Variants in ANKS1A observed in about 807,000 individuals in gnomAD.
ANKS1A encodes the protein ankyrin repeat and sterile alpha motif domain containing 1A.
A neutral mutation model predicts 120.3 loss-of-function variants in ANKS1A; 55 were observed. The ratio of observed to expected loss-of-function variants is 0.46; its 90% CI spans 0.37 to 0.57. ANKS1A has a LOEUF of 0.57. Among genes scored for constraint, ANKS1A ranks in the 20% least tolerant of loss-of-function variants. The pLI is 0.00. For missense variants in ANKS1A, 1,123 were observed against 1,480.3 expected, an observed-to-expected ratio of 0.76 and a Z score of 3.96; for synonymous variants, 590 against 604.7, an observed-to-expected ratio of 0.98 and a Z score of 0.36.
At chr6:35,038,296 G>A (rs1395064708) in intron 11 of ANKS1A, 1 of 456,496 alleles carries the variant, frequency 2.2e-6, no homozygotes, top group Non-Finnish European at 4.4e-6. Context: ...ATGCCACAGT[G>A]GTGAAGATGG....
intron 1 of ANKS1A, among the ~76,000 whole-genome samples, chr6:34,908,272 A>C (rs1159096429): frequency 6.6e-6 from 1 of 152,198 alleles, no homozygotes; most frequent in Non-Finnish European, 1.5e-5. Flanking sequence ...AGATTCAGAT[A>C]GCTGATAGAA....
chr6:34,991,824 C>A (rs1772593385), intron 9 of ANKS1A, among the ~76,000 whole-genome samples: 1 of 134,636 alleles, frequency 7.4e-6, no homozygotes, highest in Non-Finnish European at 1.6e-5. Context: ...ATATATATGG[C>A]TTTGATTTAT....
chr6:35,025,076 G>A (rs1314029904), intron 11 of ANKS1A, among the ~76,000 whole-genome samples: 2 of 152,096 alleles, frequency 1.3e-5, no homozygotes, highest in Admixed American at 1.3e-4. Flanking sequence ...AGTCACAACT[G>A]TTATCCTAGA....
chr6:35,012,747 T>C (rs751775238), intron 10 of ANKS1A, among the ~76,000 whole-genome samples: 15 of 152,164 alleles, frequency 9.9e-5, no homozygotes, highest in Admixed American at 2.0e-4. Context: ...GGAAAATGAA[T>C]GAGGATCACA....
intron 3 of ANKS1A, among the ~76,000 whole-genome samples, chr6:34,974,718 G>A (rs750569127): frequency 2.2e-4 from 34 of 151,966 alleles, no homozygotes; most frequent in Non-Finnish European, 4.1e-4. Flanking sequence ...TGTAAAATAC[G>A]GCACTATAAT....
rs1304387678 is a variant in ANKS1A, at chr6:34,991,749, TACACAC to T, written c.1302+2435_1302+2440del. Among the ~76,000 whole-genome samples, 4 of 31,840 alleles carry T rather than the reference TACACAC, an allele frequency of 1.3e-4. No homozygotes were observed. The Admixed American group carries it at 1.4e-3, about 11-fold the overall frequency. The allele number at this position is 31,840 out of a possible 152,430, so 20.9% of individuals were successfully genotyped here. A position where few individuals can be genotyped will look rare whatever the true frequency, so the allele number is the denominator to read the frequency against. On this transcript the variant is annotated intron_variant, in intron 9 of 23. Coordinates refer to ENST00000360359, the MANE Select transcript of ANKS1A (RefSeq NM_015245.3). ...ATATATACACATATATATACATATA[TACACAC>T]ATATATATATACACATATATATACA...
At chr6:34,994,494 G>A (rs772770416) in intron 10 of ANKS1A, 72 bp downstream of exon 10, 3 of 1,569,810 alleles carry the variant, frequency 1.9e-6, no homozygotes, top group Non-Finnish European at 2.6e-6. Context: ...TGAGTGGAAG[G>A]GGAAGATGTC....
chr6:35,064,733 G>A (rs138203863), intron 13 of ANKS1A, among the ~76,000 whole-genome samples: 2 of 152,096 alleles, frequency 1.3e-5, no homozygotes, highest in Non-Finnish European at 2.9e-5. Context: ...CAGCCTAAGC[G>A]AGCTGCCACT....
intron 1 of ANKS1A, among the ~76,000 whole-genome samples, chr6:34,949,070 A>G (rs755125939): frequency 6.6e-6 from 1 of 152,228 alleles, no homozygotes. Context: ...GGTTAGTGAG[A>G]TGAATAAGAC....
At chr6:35,018,856 C>T (rs146157811) in intron 11 of ANKS1A, among the ~76,000 whole-genome samples, 10 of 152,134 alleles carry the variant, frequency 6.6e-5, no homozygotes, top group Admixed American at 5.2e-4. Context: ...GAAAAGGACA[C>T]GAGCTCATTC....
intron 1 of ANKS1A, among the ~76,000 whole-genome samples, chr6:34,937,383 C>A (rs1284467609): frequency 6.6e-6 from 1 of 151,594 alleles, no homozygotes; most frequent in South Asian, 2.1e-4. Context: ...TATCTTAGGG[C>A]CCTTGTATGA....
rs1371920649 is a variant in ANKS1A at position 34,982,009 on chromosome 6, C to T, written c.732+23C>T. 2 of 1,610,830 alleles carry T rather than the reference C, an allele frequency of 1.2e-6. No individual in the cohort carries two copies. Among genetic ancestry groups the T allele is most frequent in the Non-Finnish European group, 1.7e-6 (2 of 1,178,134 alleles). ...CAGGTAGCAGGGCGGGTGGGGGCTC[C>T]TCCAATCTCAAGAGACTCAGTCATT... On this transcript the variant is annotated intron_variant, in intron 4 of 23. Transcript: ENST00000360359. The surrounding 1 kb of genome is among the most constrained non-coding windows in gnomAD (Gnocchi z 4.9).
intron 13 of ANKS1A, among the ~76,000 whole-genome samples, chr6:35,063,345 G>GT (rs1179442738): frequency 6.6e-6 from 1 of 152,264 alleles, no homozygotes; most frequent in African/African-American, 2.4e-5. Flanking sequence ...CGGAAGGAAG[G>GT]TAATTGGTGG....
chr6:34,904,925 C>T (rs1489938711), intron 1 of ANKS1A, among the ~76,000 whole-genome samples: 1 of 152,148 alleles, frequency 6.6e-6, no homozygotes, highest in Non-Finnish European at 1.5e-5. Flanking sequence ...ATTCTTCTGC[C>T]TCCGCCTCCT....
At position 35,081,058 on chromosome 6, in the gene ANKS1A, C is replaced by T. The variant is rs779508240; in HGVS notation, c.2609C>T (p.Ser870Leu). 53 of 1,613,928 alleles carry T rather than the reference C, an allele frequency of 3.3e-5. No individual in the cohort carries two copies. The highest frequency in any genetic ancestry group is 3.7e-5 in the Non-Finnish European group (44 of 1,179,994). Reference sequence around the variant, plus strand: ...CAGAATGATTCCTGCACTGGGCGGTCGGCAGATCTGCTGCTGCCTCCAGGG... The same window carrying T: ...CAGAATGATTCCTGCACTGGGCGGTTGGCAGATCTGCTGCTGCCTCCAGGG... The part of the protein sequence containing the change: ...LSQNDSCTGR[S>L]ADLLLPPGDT... Residue 870 changes from serine to leucine, a missense_variant, in exon 17 of 24, where the codon TCG (serine) becomes TTG (leucine). Transcript: ENST00000360359.
chr6:34,908,594 AAAT>A (rs1767754664), intron 1 of ANKS1A, among the ~76,000 whole-genome samples: 1 of 152,244 alleles, frequency 6.6e-6, no homozygotes, highest in South Asian at 2.1e-4. Context: ...TTGGTTGAAA[AAAT>A]ATGTTGTGAC....
intron 10 of ANKS1A, among the ~76,000 whole-genome samples, chr6:35,007,430 AGTCTTCTG>A (rs1773521317): frequency 6.6e-6 from 1 of 152,230 alleles, no homozygotes; most frequent in Admixed American, 6.5e-5. Flanking sequence ...AAGTAGAAAA[AGTCTTCTG>A]AAATCATCAT....
chr6:35,056,540 G>A (rs187300516), intron 12 of ANKS1A, among the ~76,000 whole-genome samples: 6 of 152,172 alleles, frequency 3.9e-5, no homozygotes, highest in Admixed American at 2.0e-4. Context: ...CACCCTCCTC[G>A]GCCTCCCAAA....
At chr6:35,033,177 T>C (rs1774990973) in intron 11 of ANKS1A, among the ~76,000 whole-genome samples, 2 of 152,200 alleles carry the variant, frequency 1.3e-5, no homozygotes, top group Non-Finnish European at 1.5e-5. Flanking sequence ...TGGCCCCTAT[T>C]ATTCCAAATT....
Sources: gnomAD v4.1 joint callset for allele counts (sites outside exome capture counted in the v4.1 genomes callset) on GRCh38, gnomAD v4.1.1 for gene constraint, Gnocchi (gnomAD v3.1) non-coding constraint, MANE v1.5 for transcripts, NCBI Gene and HGNC (gene_info 2026-07-23, HGNC 2026-07-21) for gene names.